Variants in PCDHGA2 observed in about 807,000 individuals in gnomAD.
The protein encoded by PCDHGA2 is protocadherin gamma subfamily A, 2, also known as protocadherin gamma-A2.
PCDHGA2 carries 40 observed loss-of-function variants against 59.2 expected under a neutral mutation model. That is an observed-to-expected ratio of 0.68 (90% confidence interval 0.52 to 0.88). PCDHGA2 has a LOEUF of 0.88. Ranked by LOEUF, PCDHGA2 falls within the 40% of genes least tolerant of loss-of-function variation. The pLI is 0.00. For synonymous variants in PCDHGA2, 560 were observed against 526.0 expected, an observed-to-expected ratio of 1.06 and a Z score of -0.89; for missense variants, 1,226 against 1,204.0, an observed-to-expected ratio of 1.02 and a Z score of -0.27.
At chr5:141,356,282 C>T in intron 1 of PCDHGA2, 2 of 1,557,612 alleles carry the variant, frequency 1.3e-6, no homozygotes, top group Non-Finnish European at 1.7e-6. Flanking sequence ...GAATCTTCTT[C>T]CCCGGGTACA....
In PCDHGA2 at chr5:141,505,419, C is replaced by T; in HGVS notation, c.2510C>T (p.Thr837Ile). 3 of 1,614,258 alleles carry T rather than the reference C, an allele frequency of 1.9e-6. No homozygotes were observed. Among genetic ancestry groups the T allele is most frequent in the Non-Finnish European group, 2.5e-6 (3 of 1,180,054 alleles). Residue 837 changes from threonine to isoleucine, a missense_variant, in exon 3 of 4, where the codon ACC becomes ATC. By Grantham distance (89) the Thr-to-Ile change is moderately conservative. Transcript: ENST00000394576. The part of the protein sequence containing the change: ...SGSQNGDDTG[T>I]WPNNQFDTEM... ...TCCCAAAATGGCGATGACACCGGCA[C>T]CTGGCCCAACAACCAGTTTGACACA...
chr5:141,419,138 A>G (rs1590146439), intron 1 of PCDHGA2: 1 of 1,613,920 alleles, frequency 6.2e-7, no homozygotes, highest in Non-Finnish European at 8.5e-7. Flanking sequence ...AGCCACAGAC[A>G]GGGGCAAGCC....
At chr5:141,355,881 G>T (rs1338727421) in intron 1 of PCDHGA2, 18 of 1,613,360 alleles carry the variant, frequency 1.1e-5, no homozygotes, top group Non-Finnish European at 1.5e-5. Context: ...GCACTGCCAG[G>T]ATTCTCATAA....
At chr5:141,344,898 G>T (rs367550413) in intron 1 of PCDHGA2, 2 of 1,613,568 alleles carry the variant, frequency 1.2e-6, no homozygotes, top group Non-Finnish European at 1.7e-6. Context: ...TGGGAAAATC[G>T]CTGAGATTTT....
chr5:141,412,963 G>T, intron 1 of PCDHGA2: 1 of 518,228 alleles, frequency 1.9e-6, no homozygotes, highest in East Asian at 3.1e-5. Context: ...TCACCTACTA[G>T]GAGAGAAAAC....
At chr5:141,346,355 C>G (rs754690166) in intron 1 of PCDHGA2, 12 of 1,614,258 alleles carry the variant, frequency 7.4e-6, no homozygotes, top group Non-Finnish European at 1.0e-5. Flanking sequence ...CCCAGCCCAA[C>G]TATGCGGACA....
intron 1 of PCDHGA2, among the ~76,000 whole-genome samples, chr5:141,430,101 G>C (rs918427744): frequency 6.6e-6 from 1 of 152,036 alleles, no homozygotes; most frequent in African/African-American, 2.4e-5. Context: ...ATTTTTAAGC[G>C]TTACATGTCA....
At position 141,339,400 on chromosome 5, in the gene PCDHGA2, T is replaced by G; in HGVS notation, c.429T>G (p.Ser143Arg). ...TAGAGGAACTGGAGCTAAAAATCAGTGAAACCACTACGCCAGGATTCCGGA... is the reference window on the plus strand; with the variant it reads ...TAGAGGAACTGGAGCTAAAAATCAGGGAAACCACTACGCCAGGATTCCGGA... ...FGVEELELKI[S>R]ETTTPGFRIP... Residue 143 changes from serine (S) to arginine (R), a missense_variant, in exon 1 of 4, where the codon AGT becomes AGG. By Grantham distance (110) the Ser-to-Arg change is moderately radical (BLOSUM62 -1). Transcript: ENST00000394576. The G allele has an allele frequency of 6.2e-7, 1 of 1,614,192 alleles. No individual in the cohort carries two copies. The highest frequency in any genetic ancestry group is 8.5e-7 in the Non-Finnish European group (1 of 1,180,012).
intron 1 of PCDHGA2, chr5:141,374,742 C>T (rs1382250910): frequency 8.7e-6 from 14 of 1,611,846 alleles, no homozygotes; most frequent in African/African-American, 1.3e-5. Flanking sequence ...GGCGGCGACC[C>T]TGTCCGCTCA....
chr5:141,410,714 T>C (rs1561730445), intron 1 of PCDHGA2: 7 of 1,434,512 alleles, frequency 4.9e-6, no homozygotes, highest in Middle Eastern at 1.8e-4. Flanking sequence ...TAGAATCATA[T>C]GTTTAAAATC....
At chr5:141,449,876 C>T (rs924666805) in intron 1 of PCDHGA2, among the ~76,000 whole-genome samples, 1 of 151,724 alleles carries the variant, frequency 6.6e-6, no homozygotes, top group African/African-American at 2.4e-5. Context: ...AATTTAACAT[C>T]AATGCAATAT....
chr5:141,387,037 A>G (rs2090794833), intron 1 of PCDHGA2, among the ~76,000 whole-genome samples: 1 of 152,258 alleles, frequency 6.6e-6, no homozygotes, highest in Non-Finnish European at 1.5e-5. Flanking sequence ...TTTCATAACC[A>G]GTAAAATAAT....
intron 1 of PCDHGA2, chr5:141,409,819 G>A (rs781534809): frequency 1.2e-6 from 2 of 1,610,356 alleles, no homozygotes; most frequent in African/African-American, 2.7e-5. Context: ...ACCACGGCTC[G>A]CCCACGCTCA....
intron 1 of PCDHGA2, among the ~76,000 whole-genome samples, chr5:141,363,323 G>T (rs1463680415): frequency 1.3e-5 from 2 of 152,116 alleles, no homozygotes; most frequent in African/African-American, 4.8e-5. Context: ...CTATGAAAGT[G>T]TTATTAAATA....
chr5:141,415,648 A>G (rs1403877896), intron 1 of PCDHGA2: 1 of 1,598,772 alleles, frequency 6.3e-7, no homozygotes, highest in African/African-American at 1.4e-5. Flanking sequence ...TGTTAAAAAA[A>G]AAAAGATTGG....
chr5:141,389,533 T>C (rs2091811622), intron 1 of PCDHGA2: 4 of 1,613,216 alleles, frequency 2.5e-6, no homozygotes, highest in South Asian at 2.2e-5. Flanking sequence ...CGCGTGTTAG[T>C]GGACGACCGC....
rs543908773 is a variant in PCDHGA2, at chr5:141,400,145, A to G, written c.2424+58750A>G. ...CAGGAGGTGCTGCCGGATATCACTG[A>G]CCGCCCTGTACCCTCTGACCCCCAG... On this transcript the variant is annotated intron_variant, in intron 1 of 3. Coordinates refer to ENST00000394576, the MANE Select transcript of PCDHGA2 (RefSeq NM_018915.4). The G allele has an allele frequency of 4.1e-5, 66 of 1,613,312 alleles. No individual in the cohort carries two copies. The South Asian group carries it at 5.4e-4, about 13-fold the overall frequency.
chr5:141,377,890 C>T (rs1204585448), intron 1 of PCDHGA2: 1 of 152,090 alleles, frequency 6.6e-6, no homozygotes, highest in African/African-American at 2.4e-5. Context: ...GATAGGATCC[C>T]CCTCTGTTGC....
At chr5:141,364,811 G>A (rs1239930592) in intron 1 of PCDHGA2, 1 of 1,613,902 alleles carries the variant, frequency 6.2e-7, no homozygotes, top group Non-Finnish European at 8.5e-7. Context: ...GCGGGATGCG[G>A]ATGTGGGTGT....
Sources: allele counts gnomAD v4.1 joint callset (sites outside exome capture counted in the v4.1 genomes callset), GRCh38; gene constraint gnomAD v4.1.1; transcripts MANE v1.5; gene names NCBI Gene and HGNC (gene_info 2026-07-23, HGNC 2026-07-21).